DHX32: variants seen among roughly 807,000 people sequenced by gnomAD.
DHX32 encodes the protein DEAH-box helicase 32 (putative).
In DHX32, 51 loss-of-function variants were observed where a neutral mutation model predicts 70.0. That is an observed-to-expected ratio of 0.73 (90% CI 0.58 to 0.92). The LOEUF is 0.92. Among genes scored for constraint, DHX32 ranks in the 40% least tolerant of loss-of-function variants. The pLI is 0.00. For synonymous variants in DHX32, 310 were observed against 315.3 expected (o/e 0.98, Z 0.18); for missense variants, 762 against 891.8 (o/e 0.85, Z 1.85).
chr10:125,860,081 A>C lies in DHX32; in HGVS notation c.477-106T>G, dbSNP rs1944176884. On this transcript the variant is annotated intron_variant, in intron 2 of 10. Coordinates refer to ENST00000284690, the MANE Select transcript of DHX32 (RefSeq NM_018180.3). ...CTATATTCATTTCTCTAAATCAGTAACTCTAAATTTTTACTGGGGCCAAAA... is the reference window on the plus strand; with the variant it reads ...CTATATTCATTTCTCTAAATCAGTACCTCTAAATTTTTACTGGGGCCAAAA... The C allele has an allele frequency of 3.6e-6, 4 of 1,100,996 alleles. No homozygotes were observed. The Admixed American group carries it at 1.4e-4, about 38-fold the overall frequency. 68.2% of individuals were successfully genotyped at this position (1,100,996 alleles called of 1,614,324 possible).
chr10:125,878,537 T>C (rs1477011139), intron 1 of DHX32, among the ~76,000 whole-genome samples: 3 of 152,212 alleles, frequency 2.0e-5, no homozygotes, highest in Admixed American at 2.0e-4. Flanking sequence ...TTCTCTGGGG[T>C]TTTCCCGTGT....
chr10:125,867,754 AT>A, intron 1 of DHX32, among the ~76,000 whole-genome samples: 1 of 140,742 alleles, frequency 7.1e-6, no homozygotes, highest in Admixed American at 7.0e-5. Flanking sequence ...AAAAAAAAAA[AT>A]CAAGGACAAA....
chr10:125,864,388 C>A (rs1211527889), intron 2 of DHX32, among the ~76,000 whole-genome samples: 1 of 152,154 alleles, frequency 6.6e-6, no homozygotes, highest in African/African-American at 2.4e-5. Flanking sequence ...TCCATGGGTG[C>A]CTTTGTACCT....
At chr10:125,852,243 G>A (rs1944100246) in intron 6 of DHX32, 50 bp downstream of exon 6, 4 of 1,597,956 alleles carry the variant, frequency 2.5e-6, no homozygotes, top group African/African-American at 1.3e-5. Context: ...ATGGGCAGGA[G>A]AAGGTGAATC....
intron 1 of DHX32, among the ~76,000 whole-genome samples, chr10:125,889,695 A>G (rs1292139462): frequency 6.6e-6 from 1 of 152,168 alleles, no homozygotes; most frequent in African/African-American, 2.4e-5. Context: ...CACACTTTTG[A>G]GAAGCCTGGT....
upstream of DHX32, among the ~76,000 whole-genome samples, chr10:125,882,400 T>C (rs1944322575): frequency 2.6e-5 from 4 of 152,236 alleles, no homozygotes; most frequent in South Asian, 8.3e-4. Context: ...TAAGAAAAGC[T>C]CTCTCTCTAT....
rs2134021025 is a variant in DHX32 at position 125,838,273 on chromosome 10, G to C, written c.1996C>G (p.Leu666Val). ...TCAGAAATGCTGAATTTATGGAAGA[G>C]GACCCACTCTGGCATCTTCTTGGTG... ...SITKKMPEWV[L>V]FHKFSISENN... Residue 666 changes from leucine (L) to valine (V), a missense_variant, in exon 10 of 11, where the codon CTC (leucine) becomes GTC (valine). Physicochemically the swap from Leu to Val is conservative, Grantham distance 32 (BLOSUM62 1). Transcript: ENST00000284690. The C allele has an allele frequency of 6.2e-7, 1 of 1,613,758 alleles. No individual in the cohort carries two copies. The highest frequency in any genetic ancestry group is 2.2e-5 in the East Asian group (1 of 44,870).
intron 10 of DHX32, among the ~76,000 whole-genome samples, chr10:125,837,318 G>A (rs1029671017): frequency 6.6e-6 from 1 of 152,238 alleles, no homozygotes; most frequent in African/African-American, 2.4e-5. Context: ...TGGAATAGTA[G>A]TGGAACCTTC....
chr10:125,894,102 A>C (rs1193737617), intron 1 of DHX32, among the ~76,000 whole-genome samples: 2 of 125,532 alleles, frequency 1.6e-5, no homozygotes, highest in African/African-American at 5.8e-5. Context: ...TTAAAAAAAT[A>C]TATATAGAAC....
chr10:125,839,392 G>A (rs567815193), intron 8 of DHX32, among the ~76,000 whole-genome samples: 2 of 152,350 alleles, frequency 1.3e-5, no homozygotes, highest in East Asian at 1.9e-4. Context: ...GAAGGGAGAC[G>A]GTGCCACCGA....
At chr10:125,862,978 G>A (rs1459970987) in intron 2 of DHX32, among the ~76,000 whole-genome samples, 2 of 151,804 alleles carry the variant, frequency 1.3e-5, no homozygotes, top group African/African-American at 4.8e-5. Context: ...TAATAAGTAC[G>A]TAAAAAAAAT....
At chr10:125,838,435 A>C in intron 9 of DHX32, 48 bp from the exon 10 acceptor site, 1 of 1,460,494 alleles carries the variant, frequency 6.8e-7, no homozygotes, top group Non-Finnish European at 9.1e-7. Context: ...TAATATGGAG[A>C]TCATTATACA....
At chr10:125,880,081 TC>T (rs1944308196) in intron 1 of DHX32, among the ~76,000 whole-genome samples, 1 of 152,192 alleles carries the variant, frequency 6.6e-6, no homozygotes, top group Non-Finnish European at 1.5e-5. Context: ...GTCAGGAAAA[TC>T]AGAATTTCCT....
chr10:125,884,268 C>T (rs1944332085), upstream of DHX32, among the ~76,000 whole-genome samples: 2 of 152,098 alleles, frequency 1.3e-5, no homozygotes. Context: ...ATGTTTTTTC[C>T]TAGAGGTAAT....
At chr10:125,890,572 C>G (rs1944364718) in intron 1 of DHX32, 1 of 152,280 alleles carries the variant, frequency 6.6e-6, no homozygotes, top group East Asian at 1.9e-4. Context: ...AATGTTGGTT[C>G]ATATCAGATA....
Position 125,864,929 on chromosome 10 carries a change from C to CAAAAAAAAAAAAAAAAAAAAAAAAAAAA in DHX32, c.476+2033_476+2060dup, listed in dbSNP as rs61570718. On this transcript the variant is annotated intron_variant, in intron 2 of 10. Coordinates refer to ENST00000284690, the MANE Select transcript of DHX32 (RefSeq NM_018180.3). ...TGGGAGACAGAGTGGGACTCTGTCTCAAAAAAAAAAAAAAAAAAAAAAAAA... is the reference window on the plus strand; with the variant it reads ...TGGGAGACAGAGTGGGACTCTGTCTCAAAAAAAAAAAAAAAAAAAAAAAAAAAAAAAAAAAAAAAAAAAAAAAAAAAAA... Among the ~76,000 whole-genome samples, 4 of 54,222 alleles carry CAAAAAAAAAAAAAAAAAAAAAAAAAAAA rather than the reference C, an allele frequency of 7.4e-5. 1 individual carries two copies. Among genetic ancestry groups the CAAAAAAAAAAAAAAAAAAAAAAAAAAAA allele is most frequent in the East Asian group, 8.6e-4 (1 of 1,160 alleles). 35.6% of individuals were successfully genotyped at this position (54,222 alleles called of 152,430 possible). A position where few individuals can be genotyped will look rare whatever the true frequency, so the allele number is the denominator to read the frequency against.
chr10:125,876,166 A>G (rs1589716934), intron 1 of DHX32, among the ~76,000 whole-genome samples: 1 of 152,152 alleles, frequency 6.6e-6, no homozygotes, highest in Admixed American at 6.5e-5. Context: ...CACCTCTGTG[A>G]TTGCATCCTC....
intron 8 of DHX32, among the ~76,000 whole-genome samples, chr10:125,840,596 G>A (rs533059645): frequency 2.0e-5 from 3 of 152,338 alleles, no homozygotes; most frequent in African/African-American, 4.8e-5. Flanking sequence ...CTGAAGGCTG[G>A]CTGAGTGGAG....
chr10:125,862,768 C>A (rs1442665773), intron 2 of DHX32, among the ~76,000 whole-genome samples: 1 of 152,078 alleles, frequency 6.6e-6, no homozygotes, highest in East Asian at 1.9e-4. Context: ...TGGGAGATCA[C>A]TCCAGCCCAG....
Sources: allele counts gnomAD v4.1 joint callset (sites outside exome capture counted in the v4.1 genomes callset), GRCh38; gene constraint gnomAD v4.1.1; transcripts MANE v1.5; gene names NCBI Gene and HGNC (gene_info 2026-07-23, HGNC 2026-07-21).